The following CTNNA2 variants were observed in gnomAD, a reference collection of about 807,000 sequenced individuals.
CTNNA2 encodes catenin alpha 2.
Under a neutral mutation model 101.0 loss-of-function variants are expected in CTNNA2, and 42 were observed. The ratio of observed to expected loss-of-function variants is 0.42; its 90% CI spans 0.32 to 0.54. The LOEUF is 0.54. Among genes scored for constraint, CTNNA2 ranks in the 20% least tolerant of loss-of-function variants. The probability of loss-of-function intolerance (pLI) is 0.14; values close to 1 mark genes in which losing one functional copy is unlikely to be tolerated. For missense variants in CTNNA2, 871 were observed against 1,223.1 expected, an observed-to-expected ratio of 0.71 and a Z score of 4.29; for synonymous variants, 450 against 456.4, an observed-to-expected ratio of 0.99 and a Z score of 0.18.
intron 18 of CTNNA2, among the ~76,000 whole-genome samples, chr2:80,632,614 ACTT>A (rs762320815): frequency 1.2e-4 from 18 of 152,060 alleles, no homozygotes; most frequent in African/African-American, 2.9e-4. Context: ...GAAGAAGAAA[ACTT>A]CTTTTAGAAG....
intron 1 of CTNNA2, among the ~76,000 whole-genome samples, chr2:79,536,789 C>G (rs1246506796): frequency 1.4e-5 from 1 of 73,028 alleles, no homozygotes. Flanking sequence ...GCAACCTCTA[C>G]CCCCCGGGTT....
chr2:79,553,262 T>C (rs1055057704), intron 1 of CTNNA2, among the ~76,000 whole-genome samples: 2 of 152,176 alleles, frequency 1.3e-5, no homozygotes, highest in Non-Finnish European at 2.9e-5. Context: ...TCTGTCCATA[T>C]CACTATCAGT....
intron 7 of CTNNA2, among the ~76,000 whole-genome samples, chr2:80,020,019 G>T (rs190314648): frequency 6.6e-6 from 1 of 152,182 alleles, no homozygotes; most frequent in Admixed American, 6.5e-5. Flanking sequence ...GTTACAAAAG[G>T]AAGTTAAAAA....
At chr2:80,610,718 G>A (rs1422748498) in intron 17 of CTNNA2, among the ~76,000 whole-genome samples, 1 of 151,678 alleles carries the variant, frequency 6.6e-6, no homozygotes, top group East Asian at 1.9e-4. Flanking sequence ...CTGGCATGAT[G>A]AACATATGTT....
chr2:80,346,029 A>G (rs564398923), intron 7 of CTNNA2, among the ~76,000 whole-genome samples: 3 of 152,336 alleles, frequency 2.0e-5, no homozygotes, highest in Non-Finnish European at 4.4e-5. Flanking sequence ...GAAAGATAAA[A>G]CTGGAACTCA....
chr2:80,313,640 A>G (rs751765826), intron 7 of CTNNA2: 4 of 1,607,828 alleles, frequency 2.5e-6, no homozygotes, highest in Non-Finnish European at 2.5e-6. Flanking sequence ...GATGCATACC[A>G]TGTCTGGAGC....
intron 3 of CTNNA2, among the ~76,000 whole-genome samples, chr2:79,798,338 T>C (rs1264025313): frequency 6.6e-6 from 1 of 152,176 alleles, no homozygotes; most frequent in Non-Finnish European, 1.5e-5. Flanking sequence ...AAGAACACAA[T>C]GTGAGTCTCC....
intron 1 of CTNNA2, among the ~76,000 whole-genome samples, chr2:79,187,265 C>CTTTTTTTTTTTTTT (rs1156460356): frequency 1.2e-5 from 1 of 83,402 alleles, no homozygotes; most frequent in Non-Finnish European, 2.3e-5. Flanking sequence ...CTTTTCTTTT[C>CTTTTTTTTTTTTTT]TTTTCTTTTT....
At chr2:79,729,766 G>A (rs1027657856) in intron 2 of CTNNA2, among the ~76,000 whole-genome samples, 1 of 152,040 alleles carries the variant, frequency 6.6e-6, no homozygotes, top group African/African-American at 2.4e-5. Context: ...GTGCATTCAA[G>A]TGGAAGGCTG....
intron 7 of CTNNA2, among the ~76,000 whole-genome samples, chr2:79,917,710 G>A (rs761748588): frequency 6.6e-6 from 1 of 152,176 alleles, no homozygotes; most frequent in Non-Finnish European, 1.5e-5. Flanking sequence ...AATGGATGTT[G>A]TGCAGGGATA....
chr2:79,438,835 C>T (rs1160359197), intron 4 of CTNNA2, among the ~76,000 whole-genome samples: 1 of 152,184 alleles, frequency 6.6e-6, no homozygotes, highest in Non-Finnish European at 1.5e-5. Context: ...TATCATTAGT[C>T]TTTAGGGAAA....
At chr2:80,176,111 A>G (rs537019503) in intron 7 of CTNNA2, among the ~76,000 whole-genome samples, 55 of 152,320 alleles carry the variant, frequency 3.6e-4, no homozygotes, top group African/African-American at 1.3e-3. Flanking sequence ...CATCCAATGA[A>G]GTTGACAATA....
At chr2:80,564,657 T>G (rs1410345708) in intron 12 of CTNNA2, among the ~76,000 whole-genome samples, 1 of 152,126 alleles carries the variant, frequency 6.6e-6, no homozygotes, top group Non-Finnish European at 1.5e-5. Context: ...CAACATGAAT[T>G]TATGGAAATG....
At chr2:79,827,108 G>C (rs1265577777) in intron 3 of CTNNA2, among the ~76,000 whole-genome samples, 6 of 151,962 alleles carry the variant, frequency 3.9e-5, no homozygotes, top group African/African-American at 1.5e-4. Flanking sequence ...GCATGATCTC[G>C]GCTCGCTGCA....
At chr2:80,264,091 G>C (rs1672820649) in intron 7 of CTNNA2, among the ~76,000 whole-genome samples, 1 of 152,050 alleles carries the variant, frequency 6.6e-6, no homozygotes, top group South Asian at 2.1e-4. Context: ...AAATAATAGA[G>C]TGCTTAGCTC....
chr2:79,385,147 A>T (rs143321900), intron 4 of CTNNA2, among the ~76,000 whole-genome samples: 3 of 152,268 alleles, frequency 2.0e-5, no homozygotes, highest in African/African-American at 7.2e-5. Flanking sequence ...TCTTCAAGAG[A>T]TAGTAGTACT....
chr2:80,179,756 G>T (rs1308940321), intron 7 of CTNNA2, among the ~76,000 whole-genome samples: 1 of 152,104 alleles, frequency 6.6e-6, no homozygotes, highest in African/African-American at 2.4e-5. Flanking sequence ...TATTGTTTTT[G>T]ATTTACTATC....
At chr2:79,870,393 A>G (rs1254870711) in intron 5 of CTNNA2, among the ~76,000 whole-genome samples, 1 of 151,962 alleles carries the variant, frequency 6.6e-6, no homozygotes, top group African/African-American at 2.4e-5. Context: ...GAGAAGAAGA[A>G]AACATGAACA....
At chr2:79,648,842 G>A (rs1360069982) in intron 1 of CTNNA2, among the ~76,000 whole-genome samples, 1 of 152,156 alleles carries the variant, frequency 6.6e-6, no homozygotes, top group African/African-American at 2.4e-5. Context: ...ATCAGAAACA[G>A]CATGGCTGGA....
Sources: allele counts gnomAD v4.1 joint callset (sites outside exome capture counted in the v4.1 genomes callset), GRCh38; gene constraint gnomAD v4.1.1; transcripts MANE v1.5; gene names NCBI Gene and HGNC (gene_info 2026-07-23, HGNC 2026-07-21).